PPP3CA: variants seen among roughly 807,000 people sequenced by gnomAD.
The protein encoded by PPP3CA is CAM-PRP catalytic subunit.
In PPP3CA, 14 loss-of-function variants were observed where a neutral mutation model predicts 66.5. That is an observed-to-expected ratio of 0.21 (90% CI 0.14 to 0.33). The LOEUF (loss-of-function observed/expected upper bound fraction) is 0.33. Among genes scored for constraint, PPP3CA ranks in the 10% least tolerant of loss-of-function variants. The probability of loss-of-function intolerance (pLI) is 1.00; values close to 1 mark genes in which losing one functional copy is unlikely to be tolerated. For synonymous variants in PPP3CA, 232 were observed against 226.2 expected (o/e 1.03, Z -0.23); for missense variants, 317 against 639.5 (o/e 0.50, Z 5.44).
Position 101,322,462 on chromosome 4 carries a change from G to A in PPP3CA, c.58+24277C>T, listed in dbSNP as rs975402568. Among the ~76,000 whole-genome samples, 10 of 149,996 alleles carry A rather than the reference G, an allele frequency of 6.7e-5. No homozygotes were observed. The East Asian group carries it at 2.0e-3, about 29-fold the overall frequency. Reference sequence around the variant, plus strand: ...GTCCCACTCTGTCACCCAGGCTGGAGTGCAATGGTGCAATCTCAGCTCACT... The same window carrying A: ...GTCCCACTCTGTCACCCAGGCTGGAATGCAATGGTGCAATCTCAGCTCACT... On this transcript the variant is annotated intron_variant, in intron 1 of 13. Coordinates refer to ENST00000394854, the MANE Select transcript of PPP3CA (RefSeq NM_000944.5).
At chr4:101,060,295 G>T (rs529928596) in intron 10 of PPP3CA, among the ~76,000 whole-genome samples, 2 of 152,160 alleles carry the variant, frequency 1.3e-5, no homozygotes, top group Non-Finnish European at 2.9e-5. Flanking sequence ...TCCCAGGCTG[G>T]TCTCAAAATC....
chr4:101,152,891 C>T (rs535576573), intron 2 of PPP3CA, among the ~76,000 whole-genome samples: 47 of 152,146 alleles, frequency 3.1e-4, no homozygotes, highest in African/African-American at 1.1e-3. Flanking sequence ...AAAAAAAACG[C>T]GAAAGCATTA....
At chr4:101,232,678 C>G (rs1008345280) in intron 1 of PPP3CA, among the ~76,000 whole-genome samples, 2 of 86,202 alleles carry the variant, frequency 2.3e-5, no homozygotes, top group African/African-American at 3.8e-5. Context: ...TACCACAGAT[C>G]AGCTTTGTAG....
chr4:101,265,236 C>T (rs565092248), intron 1 of PPP3CA, among the ~76,000 whole-genome samples: 1 of 152,198 alleles, frequency 6.6e-6, no homozygotes, highest in South Asian at 2.1e-4. Context: ...CCTGCCTCAG[C>T]CTCCTGAGTA....
At chr4:101,152,593 C>A (rs1469096793) in intron 2 of PPP3CA, among the ~76,000 whole-genome samples, 1 of 152,082 alleles carries the variant, frequency 6.6e-6, no homozygotes, top group Non-Finnish European at 1.5e-5. Context: ...ATATAAAATG[C>A]AATAACATAA....
chr4:101,094,081 G>A (rs774474027), intron 5 of PPP3CA, among the ~76,000 whole-genome samples, 166 bp from the exon 6 acceptor site: 12 of 151,898 alleles, frequency 7.9e-5, no homozygotes, highest in Non-Finnish European at 1.2e-4. Context: ...CTTCCTACTC[G>A]TTTTCCTATC....
chr4:101,108,485 G>A (rs143467920), intron 3 of PPP3CA, among the ~76,000 whole-genome samples: 3,654 of 152,218 alleles, frequency 0.024, 68 homozygotes, highest in Middle Eastern at 0.088. Flanking sequence ...TGGGAATCAC[G>A]CCGGGCATGG....
chr4:101,076,709 G>A (rs1729211977), intron 8 of PPP3CA, among the ~76,000 whole-genome samples: 1 of 152,204 alleles, frequency 6.6e-6, no homozygotes. Context: ...GGTGATAATG[G>A]TAGTTTCAGG....
At chr4:101,317,054 T>A (rs1256837058) in intron 1 of PPP3CA, among the ~76,000 whole-genome samples, 1 of 152,072 alleles carries the variant, frequency 6.6e-6, no homozygotes, top group Non-Finnish European at 1.5e-5. Context: ...CCATTCCCTA[T>A]GGCATTTACC....
chr4:101,212,251 G>C (rs1013263567), intron 1 of PPP3CA, among the ~76,000 whole-genome samples: 13 of 152,050 alleles, frequency 8.5e-5, no homozygotes, highest in African/African-American at 3.1e-4. Context: ...GGTCTAACAG[G>C]ATGGAACTTA....
At chr4:101,201,168 T>C (rs1045342878) in intron 1 of PPP3CA, among the ~76,000 whole-genome samples, 1 of 152,220 alleles carries the variant, frequency 6.6e-6, no homozygotes, top group African/African-American at 2.4e-5. Context: ...AAAAAATATG[T>C]CTACTAGAAC....
At chr4:101,341,248 C>A in intron 1 of PPP3CA, among the ~76,000 whole-genome samples, 1 of 148,876 alleles carries the variant, frequency 6.7e-6, no homozygotes, top group Non-Finnish European at 1.5e-5. Flanking sequence ...GCTATGTTGC[C>A]CAAGCTTCCA....
intron 1 of PPP3CA, among the ~76,000 whole-genome samples, chr4:101,303,735 A>G (rs1728451169): frequency 6.6e-6 from 1 of 152,214 alleles, no homozygotes; most frequent in Admixed American, 6.5e-5. Flanking sequence ...GACAAAAAGT[A>G]CATTTTTCAT....
At chr4:101,301,466 ATAT>A (rs905649489) in intron 1 of PPP3CA, among the ~76,000 whole-genome samples, 3 of 146,042 alleles carry the variant, frequency 2.1e-5, no homozygotes, top group African/African-American at 7.5e-5. Flanking sequence ...TATATTATAT[ATAT>A]TATATTTATA....
chr4:101,240,223 G>A (rs3804404), intron 1 of PPP3CA, among the ~76,000 whole-genome samples: 101,742 of 151,742 alleles, frequency 0.67, 35,013 homozygotes, highest in Middle Eastern at 0.76. Context: ...GTTCTCTGAG[G>A]ATCTTTTCGC....
At chr4:101,182,666 G>T (rs912332955) in intron 2 of PPP3CA, among the ~76,000 whole-genome samples, 1 of 152,270 alleles carries the variant, frequency 6.6e-6, no homozygotes. Context: ...GTAACAATCT[G>T]CAGGAAAGGC....
rs769015103 is a variant in PPP3CA, at chr4:101,098,530, A to T, written c.497-18T>A. ...TATTTTACCTTTTAGAAGTGATTAA[A>T]AGAATACTTATGATTTATAGGCAGG... On this transcript the variant is annotated intron_variant, in intron 4 of 13. Transcript: ENST00000394854. The T allele has an allele frequency of 6.4e-7, 1 of 1,573,422 alleles. No homozygotes were observed. Among genetic ancestry groups the T allele is most frequent in the Admixed American group, 1.9e-5 (1 of 52,552 alleles).
intron 1 of PPP3CA, among the ~76,000 whole-genome samples, chr4:101,262,189 A>T (rs1454663274): frequency 6.6e-6 from 1 of 152,152 alleles, no homozygotes; most frequent in African/African-American, 2.4e-5. Context: ...ACTAATAATC[A>T]CTCTGCAAAT....
At chr4:101,186,890 A>C (rs1724427810) in intron 2 of PPP3CA, among the ~76,000 whole-genome samples, 1 of 152,174 alleles carries the variant, frequency 6.6e-6, no homozygotes, top group South Asian at 2.1e-4. Context: ...ACATAACAAC[A>C]ATACCGGTCA....
Sources: gnomAD v4.1 joint callset for allele counts (sites outside exome capture counted in the v4.1 genomes callset) on GRCh38, gnomAD v4.1.1 for gene constraint, MANE v1.5 for transcripts, NCBI Gene and HGNC (gene_info 2026-07-23, HGNC 2026-07-21) for gene names.